Variants in ANGPT1 observed in about 807,000 individuals in gnomAD.
The protein encoded by ANGPT1 is angiopoietin-1.
ANGPT1 carries 17 observed loss-of-function variants against 62.2 expected under a neutral mutation model. That is an observed-to-expected ratio of 0.27 (90% CI 0.19 to 0.41). The LOEUF is 0.41. Among genes scored for constraint, ANGPT1 ranks in the 10% least tolerant of loss-of-function variants. The pLI is 1.00. For missense variants in ANGPT1, 478 were observed against 594.9 expected, an observed-to-expected ratio of 0.80 and a Z score of 2.04; for synonymous variants, 199 against 198.9, an observed-to-expected ratio of 1.00 and a Z score of 0.00.
chr8:107,259,029 TC>T (rs1813433323), intron 8 of ANGPT1, among the ~76,000 whole-genome samples: 1 of 152,164 alleles, frequency 6.6e-6, no homozygotes, highest in Non-Finnish European at 1.5e-5. Flanking sequence ...CAGCATAAAA[TC>T]CCTGCATTCA....
At chr8:107,271,355 T>C (rs576297566) in intron 7 of ANGPT1, among the ~76,000 whole-genome samples, 1 of 152,194 alleles carries the variant, frequency 6.6e-6, no homozygotes, top group African/African-American at 2.4e-5. Context: ...CTTGACTATT[T>C]GCAAAAAAAT....
intron 1 of ANGPT1, among the ~76,000 whole-genome samples, chr8:107,437,997 C>G (rs1811374115): frequency 6.6e-6 from 1 of 152,174 alleles, no homozygotes; most frequent in Non-Finnish European, 1.5e-5. Flanking sequence ...GCGTGACTAG[C>G]ACACTCTGGC....
intron 4 of ANGPT1, among the ~76,000 whole-genome samples, chr8:107,317,421 G>A (rs1178633783): frequency 6.6e-6 from 1 of 152,134 alleles, no homozygotes; most frequent in Non-Finnish European, 1.5e-5. Context: ...GAGCTGATTT[G>A]AGCAGTGTGA....
chr8:107,348,592 T>TA (rs1215792622), intron 1 of ANGPT1, among the ~76,000 whole-genome samples: 1 of 152,182 alleles, frequency 6.6e-6, no homozygotes, highest in African/African-American at 2.4e-5. Flanking sequence ...AAATATATTA[T>TA]AATAAATCTC....
In ANGPT1 at chr8:107,307,239, T is replaced by A. The variant is rs1814740656; in HGVS notation, c.809-3872A>T. 3.9e-5 allele frequency among the ~76,000 whole-genome samples: 6 copies of A among 152,090 alleles called. No individual in the cohort carries two copies. In the South Asian group the frequency reaches 1.2e-3, roughly 32 times the overall value. On this transcript the variant is annotated intron_variant, in intron 4 of 8. Coordinates refer to ENST00000517746, the MANE Select transcript of ANGPT1 (RefSeq NM_001146.5). ...TTAGCCTCGATCCCAGAGTCAGGAA[T>A]TTAATAATGGTCCATTTGGCATCCC...
intron 1 of ANGPT1, among the ~76,000 whole-genome samples, chr8:107,396,259 C>A (rs1271292817): frequency 1.3e-5 from 2 of 152,100 alleles, no homozygotes; most frequent in African/African-American, 4.8e-5. Context: ...TTCAGTATGG[C>A]TATTTATCCT....
chr8:107,392,373 T>A (rs1446730755), intron 1 of ANGPT1, among the ~76,000 whole-genome samples: 1 of 152,142 alleles, frequency 6.6e-6, no homozygotes, highest in Non-Finnish European at 1.5e-5. Flanking sequence ...TTATCTAAAG[T>A]TTTGTCGATC....
Position 107,361,205 on chromosome 8 carries a change from T to C in ANGPT1, c.298-14108A>G, listed in dbSNP as rs190005729. Among the ~76,000 whole-genome samples, 94 of 151,932 alleles carry C rather than the reference T, an allele frequency of 6.2e-4. No homozygotes were observed. In the East Asian group the frequency reaches 7.0e-3, roughly 11 times the overall value. ...CATAGAATGAGCTCTAATATTATGATTTTTTTTAAAGTTTACTAACAAAAT... is the reference window on the plus strand; with the variant it reads ...CATAGAATGAGCTCTAATATTATGACTTTTTTTAAAGTTTACTAACAAAAT... On this transcript the variant is annotated intron_variant, in intron 1 of 8. Transcript: ENST00000517746.
chr8:107,386,679 C>T lies in ANGPT1; in HGVS notation c.298-39582G>A, dbSNP rs1365903564. On this transcript the variant is annotated intron_variant, in intron 1 of 8. Coordinates refer to ENST00000517746, the MANE Select transcript of ANGPT1 (RefSeq NM_001146.5). ...AACTTCAAGTGTGGTATTAATTGTA[C>T]GAATGATAATTATACCTAAGATTTG... Among the ~76,000 whole-genome samples the T allele has an allele frequency of 3.9e-5, 6 of 152,108 alleles. No homozygotes were observed. The South Asian group carries it at 8.3e-4, about 21-fold the overall frequency.
At chr8:107,310,999 GTGAC>G (rs1814846052) in intron 4 of ANGPT1, among the ~76,000 whole-genome samples, 1 of 151,128 alleles carries the variant, frequency 6.6e-6, no homozygotes, top group African/African-American at 2.4e-5. Context: ...GTGTATGTGT[GTGAC>G]TGTGTGTATG....
At chr8:107,305,204 G>A (rs1240028201) in intron 4 of ANGPT1, among the ~76,000 whole-genome samples, 13 of 151,958 alleles carry the variant, frequency 8.6e-5, no homozygotes, top group Admixed American at 8.5e-4. Flanking sequence ...AAAGAGATGT[G>A]AAGAAATACC....
chr8:107,303,635 C>T (rs1463313077), intron 4 of ANGPT1, among the ~76,000 whole-genome samples: 1 of 150,588 alleles, frequency 6.6e-6, no homozygotes, highest in African/African-American at 2.4e-5. Context: ...TTCTATGTAT[C>T]CTTTCCAAAA....
At chr8:107,460,363 A>G (rs1812036081) in intron 1 of ANGPT1, among the ~76,000 whole-genome samples, 1 of 152,116 alleles carries the variant, frequency 6.6e-6, no homozygotes, top group South Asian at 2.1e-4. Context: ...TCTTTGGGAG[A>G]ATTAAAAAAG....
intron 1 of ANGPT1, among the ~76,000 whole-genome samples, chr8:107,392,810 A>T (rs184067547): frequency 1.6e-3 from 239 of 152,310 alleles, no homozygotes; most frequent in Non-Finnish European, 2.1e-3. Flanking sequence ...ATTCCAGAAG[A>T]AGAGTTGTTT....
chr8:107,497,079 G>T (rs1471824513), intron 1 of ANGPT1, among the ~76,000 whole-genome samples, 183 bp downstream of exon 1: 1 of 152,172 alleles, frequency 6.6e-6, no homozygotes, highest in Non-Finnish European at 1.5e-5. Flanking sequence ...ATAGGTTTGG[G>T]CAAGCCCCCA....
chr8:107,336,058 C>T, intron 3 of ANGPT1, 92 bp downstream of exon 3: 5 of 1,249,586 alleles, frequency 4.0e-6, no homozygotes, highest in South Asian at 2.6e-5. Context: ...TTTTGTAAAC[C>T]ACCTCAACCT....
chr8:107,290,878 C>T (rs1437304262), intron 6 of ANGPT1, among the ~76,000 whole-genome samples: 1 of 152,128 alleles, frequency 6.6e-6, no homozygotes, highest in Non-Finnish European at 1.5e-5. Context: ...TTGGTAAATA[C>T]TTACAAGACA....
chr8:107,317,630 T>A (rs1263103914), intron 4 of ANGPT1, among the ~76,000 whole-genome samples: 25 of 47,756 alleles, frequency 5.2e-4, no homozygotes, highest in African/African-American at 2.7e-3. Context: ...TTATTTTTAT[T>A]TTTATTTTTT....
At chr8:107,339,699 A>G (rs1295165872) in intron 2 of ANGPT1, among the ~76,000 whole-genome samples, 3 of 152,164 alleles carry the variant, frequency 2.0e-5, no homozygotes, top group Non-Finnish European at 4.4e-5. Flanking sequence ...GAGTCCTCTA[A>G]GCCTCCAGAC....
Sources: gnomAD v4.1 joint callset for allele counts (sites outside exome capture counted in the v4.1 genomes callset) on GRCh38, gnomAD v4.1.1 for gene constraint, MANE v1.5 for transcripts, NCBI Gene and HGNC (gene_info 2026-07-23, HGNC 2026-07-21) for gene names.